Variants in ZNF268 observed in about 807,000 individuals in gnomAD.
ZNF268 encodes zinc finger protein 268, also known as zinc finger protein 3.
A neutral mutation model predicts 29.3 loss-of-function variants in ZNF268; 20 were observed. The observed-to-expected ratio is 0.68, with a 90% CI of 0.48 to 0.99. ZNF268 has a LOEUF of 0.99. Ranked by LOEUF, ZNF268 falls within the 50% of genes least tolerant of loss-of-function variation. ZNF268 has a pLI of 0.00. For missense variants in ZNF268, 1,240 were observed against 1,121.6 expected (o/e 1.11, Z -1.51); for synonymous variants, 429 against 376.9 (o/e 1.14, Z -1.60).
chr12:133,202,036 A>G, intron 5 of ZNF268, 108 bp from the exon 6 acceptor site: 1 of 924,924 alleles, frequency 1.1e-6, no homozygotes, highest in Non-Finnish European at 1.6e-6. Flanking sequence ...GTATACCACA[A>G]TCATGTGATT....
Position 133,212,502 on chromosome 12 carries a change from T to C in ZNF268, c.*7972T>C, listed in dbSNP as rs1196030713. 7.3e-5 allele frequency: 2 copies of C among 27,444 alleles called. No homozygotes were observed. Among genetic ancestry groups the C allele is most frequent in the Admixed American group, 1.0e-3 (2 of 1,922 alleles). 1.7% of individuals were successfully genotyped at this position (27,444 alleles called of 1,614,324 possible). On this transcript the variant is annotated 3_prime_UTR_variant, in exon 6 of 6. Transcript: ENST00000536435. ...ATATATATATATATATATATATGTA[T>C]ATATACACACACACATACACACATA...
intron 3 of ZNF268, among the ~76,000 whole-genome samples, chr12:133,190,783 T>G (rs892367495): frequency 4.6e-5 from 7 of 152,204 alleles, no homozygotes; most frequent in African/African-American, 1.4e-4. Flanking sequence ...TCTTTTTTCT[T>G]AGCTTCTTTG....
rs1017884403 is a variant in ZNF268 at position 133,202,622 on chromosome 12, C to T, written c.936C>T (p.Asp312=). 1 of 1,604,996 alleles carries T rather than the reference C, an allele frequency of 6.2e-7. No individual in the cohort carries two copies. Among genetic ancestry groups the T allele is most frequent in the Non-Finnish European group, 8.5e-7 (1 of 1,175,218 alleles). ...ATGGTTGTAATGAATGTGGGAAAGA[C>T]TTCAGTAGTAAATCATACCTCATTG... ...KPYGCNECGK[D]FSSKSYLIVH... The change falls in exon 6 of 6, where the codon GAC becomes GAT. Residue 312 remains aspartate (D), a synonymous_variant. Coordinates refer to ENST00000536435, the MANE Select transcript of ZNF268 (RefSeq NM_003415.3).
chr12:133,213,336 T>C lies in ZNF268; in HGVS notation c.*8806T>C, dbSNP rs915568640. 1.3e-5 allele frequency: 2 copies of C among 152,030 alleles called. No individual in the cohort carries two copies. The highest frequency in any genetic ancestry group is 2.9e-5 in the Non-Finnish European group (2 of 68,012). The allele number at this position is 152,030 out of a possible 1,614,324, so 9.4% of individuals were successfully genotyped here. A position where few individuals can be genotyped will look rare whatever the true frequency, so the allele number is the denominator to read the frequency against. On this transcript the variant is annotated 3_prime_UTR_variant, in exon 6 of 6. Coordinates refer to ENST00000536435, the MANE Select transcript of ZNF268 (RefSeq NM_003415.3). Reference sequence around the variant, plus strand: ...CATGGGAAACAAAAGAAAAAATAGGTAAATTGGACTTCACCAAAATTGAAA... The same window carrying C: ...CATGGGAAACAAAAGAAAAAATAGGCAAATTGGACTTCACCAAAATTGAAA...
intron 5 of ZNF268, among the ~76,000 whole-genome samples, chr12:133,198,503 G>T (rs1352618766): frequency 5.3e-5 from 8 of 151,630 alleles, no homozygotes; most frequent in Non-Finnish European, 7.4e-5. Flanking sequence ...GCTTAGGATT[G>T]ACTTGGCGAT....
At position 133,202,597 on chromosome 12, in the gene ZNF268, A is replaced by G. The variant is rs766690331; in HGVS notation, c.911A>G (p.Tyr304Cys). The G allele has an allele frequency of 7.7e-5, 124 of 1,606,076 alleles. No individual in the cohort carries two copies. Among genetic ancestry groups the G allele is most frequent in the South Asian group, 1.1e-4 (10 of 90,160 alleles). The change falls in exon 6 of 6, where the codon TAT becomes TGT. Residue 304 changes from tyrosine (Y) to cysteine (C), a missense_variant. Around this residue, in one of 3 missense-constraint regions of ZNF268, gnomAD observed 1,177 missense variants for 1,039.6 expected, o/e 1.13. Transcript: ENST00000536435. ...HQQTHAEEKP[Y>C]GCNECGKDFS... ...CAAACTCATGCCGAAGAGAAACCCT[A>G]TGGTTGTAATGAATGTGGGAAAGAC...
rs1420620225 is a variant in ZNF268, at chr12:133,203,910, C to A, written c.2224C>A (p.His742Asn). 1.9e-6 allele frequency: 3 copies of A among 1,585,496 alleles called. No homozygotes were observed. The highest frequency in any genetic ancestry group is 4.6e-5 in the East Asian group (2 of 43,526). The stretch of plus-strand genomic sequence containing the variant: ...TAGTTTCAATTCACAACTCATTGTG[C>A]ATCAGAGAATTCACACAGGAGAAAA... ...SFSFNSQLIV[H>N]QRIHTGENPY... The change falls in exon 6 of 6, where the codon CAT (histidine) becomes AAT (asparagine). Residue 742 changes from histidine (H) to asparagine (N), a missense_variant. His to Asn is a moderately conservative substitution (Grantham distance 68, BLOSUM62 1). Coordinates refer to ENST00000536435, the MANE Select transcript of ZNF268 (RefSeq NM_003415.3).
At chr12:133,184,642 T>A (rs980325031) in intron 2 of ZNF268, 1 of 405,592 alleles carries the variant, frequency 2.5e-6, no homozygotes, top group Non-Finnish European at 5.1e-6. Flanking sequence ...TTTTTGAGAC[T>A]GAGTCTCGCT....
chr12:133,211,036 A>G lies in ZNF268; in HGVS notation c.*6506A>G, dbSNP rs1429158336. The G allele has an allele frequency of 2.2e-6, 1 of 456,086 alleles. No homozygotes were observed. Among genetic ancestry groups the G allele is most frequent in the Admixed American group, 2.3e-5 (1 of 42,580 alleles). The allele number at this position is 456,086 out of a possible 1,614,324, so 28.3% of individuals were successfully genotyped here. A position where few individuals can be genotyped will look rare whatever the true frequency, so the allele number is the denominator to read the frequency against. On this transcript the variant is annotated 3_prime_UTR_variant, in exon 6 of 6. Coordinates refer to ENST00000536435, the MANE Select transcript of ZNF268 (RefSeq NM_003415.3). The stretch of plus-strand genomic sequence containing the variant: ...GGAAAACGAAACTGAAATAGAGTCC[A>G]TCATTCCATGCCTTAATTGGAATGG...
chr12:133,190,970 C>T (rs1397824962), intron 3 of ZNF268, among the ~76,000 whole-genome samples: 4 of 152,046 alleles, frequency 2.6e-5, no homozygotes, highest in Non-Finnish European at 4.4e-5. Flanking sequence ...GCCTTTAGTA[C>T]TGAAGGTCCC....
chr12:133,187,245 T>C (rs577759898), intron 2 of ZNF268, among the ~76,000 whole-genome samples: 2 of 134,528 alleles, frequency 1.5e-5, no homozygotes, highest in African/African-American at 5.8e-5. Context: ...TTTATGTTCC[T>C]CCTAAATTTA....
chr12:133,193,730 A>G (rs527927873), intron 5 of ZNF268, among the ~76,000 whole-genome samples: 3 of 152,290 alleles, frequency 2.0e-5, no homozygotes, highest in African/African-American at 7.2e-5. Context: ...CGGAAGATTG[A>G]AGCTCTTTTC....
rs1487258525 is a variant in ZNF268 at position 133,206,100 on chromosome 12, C to G, written c.*1570C>G. On this transcript the variant is annotated 3_prime_UTR_variant, in exon 6 of 6. Transcript: ENST00000536435. ...TTTGATTGCATTAGCCATTGTGTATCTTTTGCATACAGCTTACTAAATCAG... is the reference window on the plus strand; with the variant it reads ...TTTGATTGCATTAGCCATTGTGTATGTTTTGCATACAGCTTACTAAATCAG... 6.6e-6 allele frequency: 1 copy of G among 152,134 alleles called. No homozygotes were observed. The highest frequency in any genetic ancestry group is 1.5e-5 in the Non-Finnish European group (1 of 68,030). The allele number at this position is 152,134 out of a possible 1,614,324, so 9.4% of individuals were successfully genotyped here.
intron 5 of ZNF268, among the ~76,000 whole-genome samples, chr12:133,201,779 G>A (rs992447393): frequency 6.6e-6 from 1 of 152,008 alleles, no homozygotes; most frequent in South Asian, 2.1e-4. Context: ...TAAATCTAAT[G>A]TTCATAGATC....
rs1224988715 is a variant in ZNF268, at chr12:133,212,562, TAC to T, written c.*8036_*8037del. 1.1e-4 allele frequency: 16 copies of T among 149,950 alleles called. No individual in the cohort carries two copies. Among genetic ancestry groups the T allele is most frequent in the Non-Finnish European group, 1.2e-4 (8 of 67,568 alleles). The allele number at this position is 149,950 out of a possible 1,614,324, so 9.3% of individuals were successfully genotyped here. A position where few individuals can be genotyped will look rare whatever the true frequency, so the allele number is the denominator to read the frequency against. On this transcript the variant is annotated 3_prime_UTR_variant, in exon 6 of 6. Transcript: ENST00000536435. Reference sequence around the variant, plus strand: ...ATATATACACATATACACATATATATACACATATATATAATAAGAACATTTAC... The same window carrying T: ...ATATATACACATATACACATATATATACATATATATAATAAGAACATTTAC...
intron 5 of ZNF268, among the ~76,000 whole-genome samples, chr12:133,201,712 T>G (rs1034044349): frequency 6.6e-6 from 1 of 152,096 alleles, no homozygotes; most frequent in East Asian, 1.9e-4. Flanking sequence ...TCTCTGCCAT[T>G]TCTCTAGAAG....
At chr12:133,197,932 T>C (rs1009857089) in intron 5 of ZNF268, among the ~76,000 whole-genome samples, 4 of 152,306 alleles carry the variant, frequency 2.6e-5, no homozygotes, top group Admixed American at 2.6e-4. Flanking sequence ...TTCTGGATAT[T>C]AGCCCTTTGT....
intron 3 of ZNF268, 46 bp from the exon 4 acceptor site, chr12:133,191,443 A>G (rs1185142229): frequency 3.7e-6 from 6 of 1,612,396 alleles, no homozygotes; most frequent in Non-Finnish European, 4.2e-6. Flanking sequence ...GTTTTCCACA[A>G]ACCTAGTAAA....
chr12:133,182,768 T>C (rs1219681628), intron 2 of ZNF268, among the ~76,000 whole-genome samples: 1 of 152,202 alleles, frequency 6.6e-6, no homozygotes, highest in African/African-American at 2.4e-5. Context: ...TTGGGCACTT[T>C]AGGGTTGCTA....
Sources: gnomAD v4.1 joint callset for allele counts (sites outside exome capture counted in the v4.1 genomes callset) on GRCh38, gnomAD v4.1.1 for gene constraint, gnomAD v4.1.1 regional missense constraint, MANE v1.5 for transcripts, NCBI Gene and HGNC (gene_info 2026-07-23, HGNC 2026-07-21) for gene names.